KCNQ4: variants seen among roughly 807,000 people sequenced by gnomAD.
KCNQ4 encodes the protein potassium voltage-gated channel subfamily KQT member 4.
KCNQ4 carries 31 observed loss-of-function variants against 72.6 expected under a neutral mutation model. The ratio of observed to expected loss-of-function variants is 0.43; its 90% CI spans 0.32 to 0.58. KCNQ4 has a LOEUF of 0.58. KCNQ4 is among the 20% of genes least tolerant of loss of function. KCNQ4 has a pLI of 0.08. For synonymous variants in KCNQ4, 405 were observed against 403.7 expected (o/e 1.00, Z -0.04); for missense variants, 869 against 962.6 (o/e 0.90, Z 1.29).
In KCNQ4 at chr1:40,820,001, C is replaced by T. The variant is rs1255838896; in HGVS notation, c.945+16C>T. 2 of 1,606,018 alleles carry T rather than the reference C, an allele frequency of 1.2e-6. No homozygotes were observed. Among genetic ancestry groups the T allele is most frequent in the South Asian group, 2.2e-5 (2 of 90,886 alleles). On this transcript the variant is annotated intron_variant, in intron 6 of 13. Coordinates refer to ENST00000347132, the MANE Select transcript of KCNQ4 (RefSeq NM_004700.4). ...CCTGCCTGCCGTGAGTTGCCTCCTGCTCAGTTGGTGGGGGAGGCTGAGGGT... is the reference window on the plus strand; with the variant it reads ...CCTGCCTGCCGTGAGTTGCCTCCTGTTCAGTTGGTGGGGGAGGCTGAGGGT...
intron 10 of KCNQ4, 139 bp downstream of exon 10, chr1:40,831,443 C>G (rs1378265570): frequency 1.4e-6 from 1 of 697,082 alleles, no homozygotes; most frequent in East Asian, 2.7e-5. Flanking sequence ...CTGGTCTTCT[C>G]ATCTGTAAAA....
In KCNQ4 at chr1:40,824,180, C is replaced by T. The variant is rs1487533992; in HGVS notation, c.1214C>T (p.Pro405Leu). Residue 405 changes from proline (P) to leucine (L), a missense_variant, in exon 9 of 14, where the codon CCC (proline) becomes CTC (leucine). Pro to Leu is a moderately conservative substitution (Grantham distance 98). Around this residue, in one of 5 missense-constraint regions of KCNQ4, gnomAD observed 480 missense variants for 501.9 expected, o/e 0.96. Transcript: ENST00000347132. ...CTGGAGGTGCGGCGGGCGCCGGTAC[C>T]CGACGGAGCACCCTCCCGTTACCCG... ...RPLEVRRAPVPDGAPSRYPPV... is the reference protein window; with the variant it reads ...RPLEVRRAPVLDGAPSRYPPV... 6.4e-7 allele frequency: 1 copy of T among 1,569,882 alleles called. No individual in the cohort carries two copies. Among genetic ancestry groups the T allele is most frequent in the East Asian group, 2.4e-5 (1 of 41,858 alleles).
At chr1:40,818,409 C>T in intron 3 of KCNQ4, 96 bp from the exon 4 acceptor site, 1 of 1,500,982 alleles carries the variant, frequency 6.7e-7, no homozygotes, top group Non-Finnish European at 9.2e-7. Context: ...CCCTCCCCCT[C>T]CCTCCCCAGT....
chr1:40,838,442 C>G lies in KCNQ4; in HGVS notation c.2007C>G (p.His669Gln). ...ACCCCGACATCACCTCCGACTACCACAGCCCTGTGGACCACGAGGACATCT... is the reference window on the plus strand; with the variant it reads ...ACCCCGACATCACCTCCGACTACCAGAGCCCTGTGGACCACGAGGACATCT... ...LFDPDITSDY[H>Q]SPVDHEDISV... The change falls in exon 14 of 14, where the codon CAC becomes CAG. Residue 669 changes from histidine to glutamine, a missense_variant. Physicochemically the swap from His to Gln is conservative, Grantham distance 24. Coordinates refer to ENST00000347132, the MANE Select transcript of KCNQ4 (RefSeq NM_004700.4). 1 of 1,614,156 alleles carries G rather than the reference C, an allele frequency of 6.2e-7. No individual in the cohort carries two copies. The highest frequency in any genetic ancestry group is 8.5e-7 in the Non-Finnish European group (1 of 1,179,982).
intron 1 of KCNQ4, among the ~76,000 whole-genome samples, chr1:40,802,583 G>T (rs1461033877): frequency 6.6e-6 from 1 of 152,044 alleles, no homozygotes; most frequent in Non-Finnish European, 1.5e-5. Context: ...GAGGCGGGCT[G>T]GGGGCACCTG....
intron 1 of KCNQ4, among the ~76,000 whole-genome samples, chr1:40,810,443 C>T (rs1647902476): frequency 6.6e-6 from 1 of 152,206 alleles, no homozygotes; most frequent in African/African-American, 2.4e-5. Flanking sequence ...TTCCTTGGGA[C>T]CTGGATTATT....
chr1:40,818,461 C>A (rs1648167638), intron 3 of KCNQ4, 44 bp from the exon 4 acceptor site: 2 of 1,592,918 alleles, frequency 1.3e-6, no homozygotes, highest in Non-Finnish European at 1.7e-6. Flanking sequence ...CGGGTCCGTG[C>A]GCGGGGTAGG....
At chr1:40,818,028 G>A in intron 2 of KCNQ4, 136 bp from the exon 3 acceptor site, 17 of 1,175,754 alleles carry the variant, frequency 1.4e-5, no homozygotes, top group Non-Finnish European at 2.0e-5. Flanking sequence ...GAATCGTCAA[G>A]TCCAGGAAAC....
intron 10 of KCNQ4, 129 bp from the exon 11 acceptor site, chr1:40,832,885 G>T: frequency 1.4e-6 from 1 of 738,398 alleles, no homozygotes; most frequent in Non-Finnish European, 2.4e-6. Flanking sequence ...CCCCAAGAAG[G>T]TTCTGAGCCC....
intron 9 of KCNQ4, 85 bp from the exon 10 acceptor site, chr1:40,830,999 A>C: frequency 1.7e-6 from 2 of 1,158,396 alleles, no homozygotes; most frequent in Non-Finnish European, 2.5e-6. Context: ...AGCCACCCCC[A>C]AGTCCTAAGT....
chr1:40,832,925 C>T, intron 10 of KCNQ4, 89 bp from the exon 11 acceptor site: 5 of 926,696 alleles, frequency 5.4e-6, no homozygotes, highest in Non-Finnish European at 8.9e-6. Context: ...CTATTGGACA[C>T]TCTACTGGTG....
At position 40,784,461 on chromosome 1, in the gene KCNQ4, C is replaced by G. The variant is rs890354401; in HGVS notation, c.314+54C>G. 70 of 1,552,168 alleles carry G rather than the reference C, an allele frequency of 4.5e-5. 1 individual carries two copies. The Middle Eastern group carries it at 5.1e-4, about 11-fold the overall frequency. ...GTTTCCCCGCGCAAGCCTGGCCTCCCGGGGCACGGCCGCCCCGCCCTGGCT... is the reference window on the plus strand; with the variant it reads ...GTTTCCCCGCGCAAGCCTGGCCTCCGGGGGCACGGCCGCCCCGCCCTGGCT... On this transcript the variant is annotated intron_variant, in intron 1 of 13. Coordinates refer to ENST00000347132, the MANE Select transcript of KCNQ4 (RefSeq NM_004700.4). The surrounding 1 kb of genome is among the most constrained non-coding windows in gnomAD (Gnocchi z 4.1).
At chr1:40,802,842 C>T (rs1036532353) in intron 1 of KCNQ4, among the ~76,000 whole-genome samples, 1 of 152,178 alleles carries the variant, frequency 6.6e-6, no homozygotes, top group African/African-American at 2.4e-5. Context: ...TCATTGGTCC[C>T]ATTAGAAAGA....
chr1:40,822,421 G>A lies in KCNQ4; in HGVS notation c.1130+19G>A. The A allele has an allele frequency of 1.4e-6, 2 of 1,437,356 alleles. No homozygotes were observed. Among genetic ancestry groups the A allele is most frequent in the East Asian group, 2.3e-5 (1 of 43,446 alleles). The allele number at this position is 1,437,356 out of a possible 1,614,324, so 89.0% of individuals were successfully genotyped here. On this transcript the variant is annotated intron_variant, in intron 8 of 13. Transcript: ENST00000347132. ...CCTTCAGGTAGGTCCTGCTGGGGGT[G>A]GGGGTGGGTGGGGGGCTGGCAGCAA...
At chr1:40,785,960 A>C (rs1437792395) in intron 1 of KCNQ4, among the ~76,000 whole-genome samples, 1 of 152,142 alleles carries the variant, frequency 6.6e-6, no homozygotes, top group African/African-American at 2.4e-5. Context: ...TGCTCAGGAC[A>C]TGAGGTCAAG....
At chr1:40,822,652 G>A (rs1648340246) in intron 8 of KCNQ4, among the ~76,000 whole-genome samples, 1 of 152,212 alleles carries the variant, frequency 6.6e-6, no homozygotes, top group Non-Finnish European at 1.5e-5. Context: ...CTGAACCCCG[G>A]CCCTGGAGTG....
Position 40,824,225 on chromosome 1 carries a change from G to T in KCNQ4, c.1259G>T (p.Arg420Leu). Residue 420 changes from arginine to leucine, a missense_variant, in exon 9 of 14, where the codon CGG becomes CTG. Arg to Leu is a moderately radical substitution (Grantham distance 102). This residue lies in a region of KCNQ4 where 480 missense variants were observed against 501.9 expected (regional missense o/e 0.96). Coordinates refer to ENST00000347132, the MANE Select transcript of KCNQ4 (RefSeq NM_004700.4). The part of the protein sequence containing the change: ...SRYPPVATCH[R>L]PGSTSFCPGE... ...TACCCGCCCGTTGCCACCTGCCACCGGCCGGGCAGCACCTCCTTCTGCCCT... is the reference window on the plus strand; with the variant it reads ...TACCCGCCCGTTGCCACCTGCCACCTGCCGGGCAGCACCTCCTTCTGCCCT... The T allele has an allele frequency of 6.2e-7, 1 of 1,607,414 alleles. No individual in the cohort carries two copies. Among genetic ancestry groups the T allele is most frequent in the Non-Finnish European group, 8.5e-7 (1 of 1,177,770 alleles).
At chr1:40,802,401 C>G (rs995650204) in intron 1 of KCNQ4, among the ~76,000 whole-genome samples, 1 of 152,136 alleles carries the variant, frequency 6.6e-6, no homozygotes, top group Non-Finnish European at 1.5e-5. Flanking sequence ...AGTAGCCGGC[C>G]GGGCGGGGGA....
At chr1:40,835,538 A>G (rs1203696434) in intron 12 of KCNQ4, among the ~76,000 whole-genome samples, 1 of 151,962 alleles carries the variant, frequency 6.6e-6, no homozygotes, top group African/African-American at 2.4e-5. Context: ...GACCCACATC[A>G]CCTGCACCTT....
Sources: allele counts gnomAD v4.1 joint callset (sites outside exome capture counted in the v4.1 genomes callset), GRCh38; gene constraint gnomAD v4.1.1; regional missense constraint gnomAD v4.1.1; non-coding constraint Gnocchi (gnomAD v3.1); transcripts MANE v1.5; gene names NCBI Gene and HGNC (gene_info 2026-07-23, HGNC 2026-07-21).